SOX5: variants seen among roughly 807,000 people sequenced by gnomAD.
The protein encoded by SOX5 is SRY-box transcription factor 5, also known as transcription factor SOX-5.
A neutral mutation model predicts 92.0 loss-of-function variants in SOX5; 9 were observed. The observed-to-expected ratio is 0.10, with a 90% confidence interval of 0.06 to 0.17. The LOEUF (loss-of-function observed/expected upper bound fraction) is 0.17. Ranked by LOEUF, SOX5 falls within the 10% of genes least tolerant of loss-of-function variation. The pLI is 1.00. For synonymous variants in SOX5, 344 were observed against 336.3 expected (o/e 1.02, Z -0.25); for missense variants, 642 against 944.5 (o/e 0.68, Z 4.20).
At chr12:24,028,980 C>G (rs1321736154) in intron 4 of SOX5, among the ~76,000 whole-genome samples, 2 of 151,864 alleles carry the variant, frequency 1.3e-5, no homozygotes, top group African/African-American at 4.8e-5. Flanking sequence ...GAAGCAAAAC[C>G]AATTACATTT....
chr12:24,479,148 T>C (rs12826413), intron 1 of SOX5, among the ~76,000 whole-genome samples: 20,444 of 152,204 alleles, frequency 0.13, 1,407 homozygotes, highest in South Asian at 0.17. Context: ...ATAAGAAATG[T>C]CATTTCTCTG....
chr12:23,855,430 G>A (rs961788592), intron 2 of SOX5, among the ~76,000 whole-genome samples: 2 of 152,098 alleles, frequency 1.3e-5, no homozygotes, highest in African/African-American at 2.4e-5. Context: ...AAGAAAAGAT[G>A]TTCAGTTACT....
At chr12:24,157,023 C>T (rs1055508673) in intron 4 of SOX5, among the ~76,000 whole-genome samples, 4 of 152,036 alleles carry the variant, frequency 2.6e-5, no homozygotes, top group African/African-American at 7.2e-5. Context: ...GCATTTAGTA[C>T]TTCTCTTTGA....
At chr12:24,395,527 A>T (rs887759975) in intron 1 of SOX5, among the ~76,000 whole-genome samples, 2 of 152,176 alleles carry the variant, frequency 1.3e-5, no homozygotes, top group Admixed American at 1.3e-4. Context: ...AACCCACTGA[A>T]TTCTATTAAC....
intron 1 of SOX5, among the ~76,000 whole-genome samples, chr12:24,478,323 TTC>T (rs1276489851): frequency 1.3e-5 from 2 of 152,206 alleles, no homozygotes; most frequent in Non-Finnish European, 2.9e-5. Flanking sequence ...ACCTACATCT[TTC>T]TGTTTGTACT....
intron 14 of SOX5, among the ~76,000 whole-genome samples, chr12:23,534,790 A>G (rs934633412): frequency 1.4e-5 from 2 of 147,626 alleles, no homozygotes; most frequent in Non-Finnish European, 3.0e-5. Flanking sequence ...CCTCACTGCA[A>G]CCTCCCCCTC....
At chr12:24,485,336 A>T (rs922128500) in intron 1 of SOX5, among the ~76,000 whole-genome samples, 1 of 152,218 alleles carries the variant, frequency 6.6e-6, no homozygotes, top group African/African-American at 2.4e-5. Flanking sequence ...GGAAGCTATT[A>T]AAAATAACTT....
At chr12:24,541,856 G>A (rs1464775908) in intron 1 of SOX5, among the ~76,000 whole-genome samples, 3 of 152,040 alleles carry the variant, frequency 2.0e-5, no homozygotes, top group African/African-American at 4.8e-5. Flanking sequence ...TTTAAACTAC[G>A]ATAAATTTAG....
chr12:23,767,158 G>A (rs940656818), intron 3 of SOX5, among the ~76,000 whole-genome samples: 1 of 151,706 alleles, frequency 6.6e-6, no homozygotes, highest in Admixed American at 6.6e-5. Flanking sequence ...AGTGAGCCAT[G>A]ATTGTGCCAC....
chr12:24,452,814 T>C (rs1942506723), intron 1 of SOX5, among the ~76,000 whole-genome samples: 1 of 152,186 alleles, frequency 6.6e-6, no homozygotes, highest in Non-Finnish European at 1.5e-5. Context: ...CTTTCTTTCT[T>C]TTGTTTTCAA....
intron 1 of SOX5, among the ~76,000 whole-genome samples, chr12:23,902,476 T>C (rs1038780294): frequency 1.4e-4 from 21 of 152,234 alleles, no homozygotes; most frequent in Non-Finnish European, 2.6e-4. Flanking sequence ...AAACTCAAAT[T>C]CCAGTTCTTC....
At chr12:23,825,089 G>A (rs1419018690) in intron 3 of SOX5, among the ~76,000 whole-genome samples, 1 of 152,102 alleles carries the variant, frequency 6.6e-6, no homozygotes, top group Non-Finnish European at 1.5e-5. Context: ...CCCCTTTCCA[G>A]GGGGAGTGAA....
At chr12:23,784,564 G>A (rs2095344513) in intron 3 of SOX5, among the ~76,000 whole-genome samples, 1 of 152,160 alleles carries the variant, frequency 6.6e-6, no homozygotes. Context: ...TTGACCTCGT[G>A]ATCCGCCTGC....
chr12:23,738,089 C>A (rs2093667391), intron 5 of SOX5, among the ~76,000 whole-genome samples: 2 of 152,170 alleles, frequency 1.3e-5, no homozygotes, highest in South Asian at 4.1e-4. Context: ...CTAACTAGAA[C>A]AAAACCTGGC....
At chr12:23,941,544 G>C (rs550736801) in intron 1 of SOX5, among the ~76,000 whole-genome samples, 233 of 151,552 alleles carry the variant, frequency 1.5e-3, no homozygotes, top group African/African-American at 5.3e-3. Flanking sequence ...GAGGAAAACA[G>C]AAGTTCTACT....
intron 4 of SOX5, among the ~76,000 whole-genome samples, chr12:24,141,682 C>T (rs180876235): frequency 6.6e-6 from 1 of 151,016 alleles, no homozygotes; most frequent in East Asian, 2.0e-4. Flanking sequence ...AAAGATTTCC[C>T]TCTCAAATGC....
At chr12:24,261,358 C>T (rs12301278) in intron 3 of SOX5, among the ~76,000 whole-genome samples, 9,928 of 152,182 alleles carry the variant, frequency 0.065, 570 homozygotes, top group African/African-American at 0.15. Context: ...GATCACTCCA[C>T]TGAATTTGTA....
intron 1 of SOX5, among the ~76,000 whole-genome samples, chr12:24,489,233 T>A (rs2137934064): frequency 6.6e-6 from 1 of 152,314 alleles, no homozygotes; most frequent in East Asian, 1.9e-4. Context: ...GAAATTGGAA[T>A]CATTTGCTTC....
At chr12:24,177,617 C>A (rs1026633689) in intron 4 of SOX5, among the ~76,000 whole-genome samples, 1 of 152,134 alleles carries the variant, frequency 6.6e-6, no homozygotes, top group Non-Finnish European at 1.5e-5. Flanking sequence ...AACTCTTTCT[C>A]CCATAAGTAT....
Sources: allele counts gnomAD v4.1 joint callset (sites outside exome capture counted in the v4.1 genomes callset), GRCh38; gene constraint gnomAD v4.1.1; transcripts MANE v1.5; gene names NCBI Gene and HGNC (gene_info 2026-07-23, HGNC 2026-07-21).